Variants in ADAM22 observed in about 807,000 individuals in gnomAD.
The protein encoded by ADAM22 is ADAM metallopeptidase domain 22.
A neutral mutation model predicts 144.6 loss-of-function variants in ADAM22; 65 were observed. The ratio of observed to expected loss-of-function variants is 0.45; its 90% CI spans 0.37 to 0.55. The LOEUF is 0.55. Among genes scored for constraint, ADAM22 ranks in the 20% least tolerant of loss-of-function variants. The probability of loss-of-function intolerance (pLI) is 0.00; values close to 1 mark genes in which losing one functional copy is unlikely to be tolerated. For missense variants in ADAM22, 974 were observed against 1,184.9 expected (o/e 0.82, Z 2.61); for synonymous variants, 391 against 412.6 (o/e 0.95, Z 0.63).
At chr7:87,995,020 C>T (rs888942474) in intron 3 of ADAM22, among the ~76,000 whole-genome samples, 6 of 151,904 alleles carry the variant, frequency 3.9e-5, no homozygotes, top group Non-Finnish European at 7.4e-5. Context: ...TTAGTAGAGA[C>T]GGGGTTTCAC....
rs566397832 is a variant in ADAM22 at position 88,060,800 on chromosome 7, G to A, written c.324-14826G>A. 1.5e-4 allele frequency among the ~76,000 whole-genome samples: 22 copies of A among 148,700 alleles called. No homozygotes were observed. The South Asian group carries it at 3.4e-3, about 23-fold the overall frequency. ...AAAAAAACAAAAAACACTTTTTTTC[G>A]CTCATCCATAAGAAGTGACTCGGCC... On this transcript the variant is annotated intron_variant, in intron 3 of 31. Coordinates refer to ENST00000413139, the MANE Select transcript of ADAM22 (RefSeq NM_001324418.2).
chr7:88,062,877 G>A (rs1177785838), intron 3 of ADAM22, among the ~76,000 whole-genome samples: 1 of 152,084 alleles, frequency 6.6e-6, no homozygotes, highest in East Asian at 1.9e-4. Context: ...ATGGGGGAAT[G>A]GCCAATCAGT....
rs138969184 is a variant in ADAM22, at chr7:88,090,484, C to T, written c.390+14792C>T. Among the ~76,000 whole-genome samples the T allele has an allele frequency of 4.4e-3, 674 of 152,180 alleles. 6 individuals are homozygous for T. Among genetic ancestry groups the T allele is most frequent in the African/African-American group, 0.015 (634 of 41,522 alleles). Reference sequence around the variant, plus strand: ...CATTCTCTGAAAAACAGTTTGGCCACGACTTAATGTCAGTTTGACTAGTAA... The same window carrying T: ...CATTCTCTGAAAAACAGTTTGGCCATGACTTAATGTCAGTTTGACTAGTAA... On this transcript the variant is annotated intron_variant, in intron 4 of 31. Transcript: ENST00000413139.
chr7:88,095,531 A>G (rs1821015617), intron 4 of ADAM22, among the ~76,000 whole-genome samples: 1 of 152,148 alleles, frequency 6.6e-6, no homozygotes, highest in Non-Finnish European at 1.5e-5. Flanking sequence ...AAAAACTGAT[A>G]GCCTTATAAT....
At chr7:88,158,573 C>T (rs1459122252) in intron 22 of ADAM22, among the ~76,000 whole-genome samples, 2 of 151,992 alleles carry the variant, frequency 1.3e-5, no homozygotes, top group African/African-American at 4.8e-5. Flanking sequence ...GACCACAGCA[C>T]AATACAAATA....
rs1039969914 is a variant in ADAM22 at position 88,070,540 on chromosome 7, G to C, written c.324-5086G>C. On this transcript the variant is annotated intron_variant, in intron 3 of 31. Transcript: ENST00000413139. ...TGAAAATCTATTGCACATTCAAGTT[G>C]CTTTGTTCATTTGTTTGCTTCTTAT... Among the ~76,000 whole-genome samples, 3 of 152,106 alleles carry C rather than the reference G, an allele frequency of 2.0e-5. No individual in the cohort carries two copies. In the East Asian group the frequency reaches 5.8e-4, roughly 29 times the overall value.
intron 3 of ADAM22, among the ~76,000 whole-genome samples, chr7:88,050,484 CA>C (rs111631002): frequency 1.8e-3 from 209 of 117,270 alleles, no homozygotes; most frequent in Middle Eastern, 9.3e-3. Context: ...CAGGATAACT[CA>C]AAAAAAAAAA....
At chr7:88,120,879 C>T (rs1490027217) in intron 7 of ADAM22, among the ~76,000 whole-genome samples, 1 of 151,980 alleles carries the variant, frequency 6.6e-6, no homozygotes, top group Non-Finnish European at 1.5e-5. Context: ...CTTCTAAAAA[C>T]TCTATAGTTT....
chr7:88,173,155 A>G (rs899886341), intron 26 of ADAM22, among the ~76,000 whole-genome samples: 1 of 152,010 alleles, frequency 6.6e-6, no homozygotes, highest in Non-Finnish European at 1.5e-5. Flanking sequence ...TAATATTGAA[A>G]AGTATGCACA....
At chr7:88,146,030 T>C (rs1026997687) in intron 17 of ADAM22, among the ~76,000 whole-genome samples, 13 of 152,174 alleles carry the variant, frequency 8.5e-5, no homozygotes, top group African/African-American at 3.1e-4. Context: ...AATGCATCTT[T>C]ACACACTTTA....
intron 3 of ADAM22, among the ~76,000 whole-genome samples, chr7:88,055,245 G>C (rs1807879518): frequency 1.3e-5 from 2 of 152,092 alleles, no homozygotes; most frequent in Admixed American, 1.3e-4. Flanking sequence ...AAGAATCACT[G>C]TTCTGGCTGG....
In ADAM22 at chr7:88,080,259, T is replaced by C. The variant is rs9979048; in HGVS notation, c.390+4567T>C. 5.4e-3 allele frequency among the ~76,000 whole-genome samples: 824 copies of C among 152,022 alleles called. 11 individuals carry two copies. The highest frequency in any genetic ancestry group is 0.038 in the East Asian group (194 of 5,172). ...TCCTGAATGACTACTGGGTACATAA[T>C]GAAATGAAGGCAGAAATAAAGAGGT... is the stretch of plus-strand genomic sequence containing the variant. On this transcript the variant is annotated intron_variant, in intron 4 of 31. Transcript: ENST00000413139.
intron 7 of ADAM22, among the ~76,000 whole-genome samples, chr7:88,119,704 G>C (rs948533501): frequency 6.6e-6 from 1 of 152,172 alleles, no homozygotes; most frequent in Non-Finnish European, 1.5e-5. Flanking sequence ...GGTCAGGCTG[G>C]TCTCAAATTC....
At chr7:88,154,229 A>G (rs1003176909) in intron 21 of ADAM22, among the ~76,000 whole-genome samples, 4 of 152,344 alleles carry the variant, frequency 2.6e-5, no homozygotes, top group South Asian at 4.1e-4. Flanking sequence ...ATTTTGCTGA[A>G]TGTCATAGTC....
intron 22 of ADAM22, among the ~76,000 whole-genome samples, chr7:88,159,605 C>T (rs966708345): frequency 7.2e-5 from 11 of 152,090 alleles, no homozygotes; most frequent in South Asian, 4.2e-4. Context: ...GTTCAACATA[C>T]GCAAATTAGT....
intron 18 of ADAM22, among the ~76,000 whole-genome samples, chr7:88,150,695 T>C (rs905516226): frequency 2.0e-5 from 3 of 152,206 alleles, no homozygotes; most frequent in Non-Finnish European, 2.9e-5. Flanking sequence ...TTTGCTGCTA[T>C]GTAATCAACT....
In ADAM22 at chr7:88,181,844, C is replaced by T. The variant is rs548936233; in HGVS notation, c.2597-114C>T. 1.1e-3 allele frequency: 1,034 copies of T among 971,736 alleles called. 10 individuals carry two copies. In the Middle Eastern group the frequency reaches 0.033, roughly 31 times the overall value. 60.2% of individuals were successfully genotyped at this position (971,736 alleles called of 1,614,324 possible). On this transcript the variant is annotated intron_variant, in intron 28 of 31. Transcript: ENST00000413139. ...AGAAAGCTGTACAGTGTGACAAACC[C>T]GGTGTTCCACAGTGGTGCTGCTTAT...
In ADAM22 at chr7:88,128,849, G is replaced by A. The variant is rs998796795; in HGVS notation, c.753+173G>A. 7.2e-5 allele frequency among the ~76,000 whole-genome samples: 11 copies of A among 152,134 alleles called. No homozygotes were observed. The South Asian group carries it at 2.3e-3, about 32-fold the overall frequency. Reference sequence around the variant, plus strand: ...ACCTGCAATTAGGAAATATTCATAGGTGGAAATAACTAGCAGTAACTTTTG... The same window carrying A: ...ACCTGCAATTAGGAAATATTCATAGATGGAAATAACTAGCAGTAACTTTTG... On this transcript the variant is annotated intron_variant, in intron 9 of 31. Transcript: ENST00000413139.
intron 2 of ADAM22, among the ~76,000 whole-genome samples, chr7:87,955,423 T>A (rs1040849737): frequency 2.6e-5 from 4 of 152,196 alleles, no homozygotes; most frequent in Non-Finnish European, 5.9e-5. Context: ...TGCCTGGATA[T>A]CAGCAGCGGT....
Sources: allele counts gnomAD v4.1 joint callset (sites outside exome capture counted in the v4.1 genomes callset), GRCh38; gene constraint gnomAD v4.1.1; transcripts MANE v1.5; gene names NCBI Gene and HGNC (gene_info 2026-07-23, HGNC 2026-07-21).